The following TEX14 variants were observed in gnomAD, a reference collection of about 807,000 sequenced individuals.
TEX14 encodes the protein inactive serine/threonine-protein kinase TEX14.
A neutral mutation model predicts 178.6 loss-of-function variants in TEX14; 168 were observed. That is an observed-to-expected ratio of 0.94 (90% confidence interval 0.83 to 1.07). TEX14 has a LOEUF of 1.07. TEX14 is among the 50% of genes least tolerant of loss of function. The probability of loss-of-function intolerance (pLI) is 0.00; values close to 1 mark genes in which losing one functional copy is unlikely to be tolerated. For missense variants in TEX14, 1,730 were observed against 1,753.6 expected (o/e 0.99, Z 0.24); for synonymous variants, 626 against 634.1 (o/e 0.99, Z 0.19).
rs2044480051 is a variant in TEX14, at chr17:58,569,803, A to T, written c.3818-543T>A. 6.6e-6 allele frequency among the ~76,000 whole-genome samples: 1 copy of T among 152,228 alleles called. No homozygotes were observed. The highest frequency in any genetic ancestry group is 2.4e-5 in the African/African-American group (1 of 41,474). On this transcript the variant is annotated intron_variant, in intron 25 of 31. Transcript: ENST00000349033. This position sits in a 1 kb window ranked among gnomAD's most constrained non-coding sequence, Gnocchi z 4.1. ...AAATTCCAAGAGTTATACCAAAGAC[A>T]GAAGACGTTAAAATTAAAGTAATAA... is the stretch of plus-strand genomic sequence containing the variant.
intron 1 of TEX14, among the ~76,000 whole-genome samples, chr17:58,653,957 G>A (rs555243234): frequency 3.9e-5 from 6 of 152,254 alleles, no homozygotes; most frequent in African/African-American, 1.2e-4. Context: ...CGAGGCGGGC[G>A]GATCACAAGG....
intron 13 of TEX14, among the ~76,000 whole-genome samples, chr17:58,600,420 G>A (rs576208858): frequency 6.6e-6 from 1 of 151,962 alleles, no homozygotes; most frequent in South Asian, 2.1e-4. Context: ...AATTAGCCAG[G>A]CATGGTGGTG....
intron 2 of TEX14, among the ~76,000 whole-genome samples, chr17:58,648,430 T>C (rs949662776): frequency 6.6e-6 from 1 of 152,172 alleles, no homozygotes; most frequent in Non-Finnish European, 1.5e-5. Flanking sequence ...CTTGTGCAAG[T>C]GTGACTAATT....
chr17:58,655,041 T>G (rs1206437659), intron 1 of TEX14, among the ~76,000 whole-genome samples: 1 of 150,506 alleles, frequency 6.6e-6, no homozygotes, highest in Admixed American at 6.6e-5. Context: ...CTTTTTTTTT[T>G]TTTTTTTTCC....
At chr17:58,661,612 G>A (rs756813246) in intron 1 of TEX14, 1 of 703,170 alleles carries the variant, frequency 1.4e-6, no homozygotes, top group African/African-American at 1.8e-5. Context: ...TGGGAAGGCT[G>A]ATGCGAAATG....
chr17:58,666,626 G>C (rs931225637), intron 1 of TEX14: 2 of 152,294 alleles, frequency 1.3e-5, no homozygotes, highest in East Asian at 1.9e-4. Context: ...TCAGCACAAA[G>C]TGCAACGAAT....
chr17:58,652,052 A>T (rs1263801615), intron 1 of TEX14, 50 bp from the exon 2 acceptor site: 6 of 1,423,982 alleles, frequency 4.2e-6, no homozygotes, highest in Non-Finnish European at 5.6e-6. Context: ...CAGAAATGCA[A>T]GGAAACAACT....
chr17:58,599,264 T>C lies in TEX14; in HGVS notation c.2081A>G (p.Asp694Gly). The C allele has an allele frequency of 6.2e-7, 1 of 1,613,668 alleles. No individual in the cohort carries two copies. The highest frequency in any genetic ancestry group is 8.5e-7 in the Non-Finnish European group (1 of 1,180,038). ...AETEYSFDDW[D>G]WQNGSLSSLS... is the part of the protein sequence containing the mutation. ...TGAACTGAGTGAACCGTTTTGCCAG[T>C]CCCAGTCATCAAAAGAGTACTCTGT... Residue 694 changes from aspartate (D) to glycine (G), a missense_variant, in exon 14 of 32, where the codon GAC becomes GGC. Physicochemically the swap from Asp to Gly is moderately conservative, Grantham distance 94. Transcript: ENST00000349033.
At chr17:58,570,535 G>A in intron 24 of TEX14, 51 bp from the exon 25 acceptor site, 1 of 1,265,400 alleles carries the variant, frequency 7.9e-7, no homozygotes, top group Non-Finnish European at 1.1e-6. Flanking sequence ...GAGCTAAAAA[G>A]GCATATGCAG....
intron 1 of TEX14, among the ~76,000 whole-genome samples, chr17:58,657,436 G>C (rs919061469): frequency 7.3e-5 from 11 of 150,812 alleles, no homozygotes; most frequent in African/African-American, 2.4e-4. Flanking sequence ...ATATTGAGGG[G>C]AATAACTGGT....
intron 11 of TEX14, 60 bp from the exon 12 acceptor site, chr17:58,602,650 A>G (rs1219170169): frequency 5.0e-6 from 7 of 1,392,958 alleles, no homozygotes; most frequent in South Asian, 4.0e-5. Context: ...GAGTGGGGGG[A>G]AAAGAAATCA....
chr17:58,590,098 T>TA (rs1812329912), intron 15 of TEX14, among the ~76,000 whole-genome samples: 1 of 151,696 alleles, frequency 6.6e-6, no homozygotes, highest in African/African-American at 2.4e-5. Flanking sequence ...TTGTCTCTAC[T>TA]AAAAATACAA....
Position 58,565,735 on chromosome 17 carries a change from T to C in TEX14, c.3964+12A>G. ...AAGAACCTGATGAAAACAATCTAGG[T>C]AGTTCACTTACCATTTGCAGTGCCT... On this transcript the variant is annotated intron_variant, in intron 27 of 31. Coordinates refer to ENST00000349033, the MANE Select transcript of TEX14 (RefSeq NM_031272.5). 1.3e-6 allele frequency: 2 copies of C among 1,594,744 alleles called. No individual in the cohort carries two copies. The highest frequency in any genetic ancestry group is 1.7e-6 in the Non-Finnish European group (2 of 1,166,146).
intron 7 of TEX14, 52 bp downstream of exon 7, chr17:58,616,123 C>G: frequency 6.4e-7 from 1 of 1,567,142 alleles, no homozygotes; most frequent in Non-Finnish European, 8.6e-7. Context: ...ACATGCAGCC[C>G]ACTCTTCCCC....
intron 14 of TEX14, among the ~76,000 whole-genome samples, chr17:58,596,966 C>T (rs2045300707): frequency 6.6e-6 from 1 of 152,082 alleles, no homozygotes; most frequent in African/African-American, 2.4e-5. Flanking sequence ...ACTGAAGCCT[C>T]ACTAAGATTC....
Position 58,580,334 on chromosome 17 carries a change from C to T in TEX14, c.3172-603G>A, listed in dbSNP as rs550770365. ...AATTATATATATATATTTTTTGAGA[C>T]GGAGTCTCATTCTGTCGCCCAGGCT... On this transcript the variant is annotated intron_variant, in intron 19 of 31. Coordinates refer to ENST00000349033, the MANE Select transcript of TEX14 (RefSeq NM_031272.5). Among the ~76,000 whole-genome samples, 58 of 152,146 alleles carry T rather than the reference C, an allele frequency of 3.8e-4. 2 individuals are homozygous for T. The South Asian group carries it at 9.7e-3, about 26-fold the overall frequency.
chr17:58,682,839 A>G (rs894994388), intron 1 of TEX14, among the ~76,000 whole-genome samples: 1 of 152,128 alleles, frequency 6.6e-6, no homozygotes, highest in African/African-American at 2.4e-5. Context: ...ACTCTAAGCA[A>G]GTTAAGAAAA....
At chr17:58,632,563 G>C (rs1386253006) in intron 2 of TEX14, among the ~76,000 whole-genome samples, 1 of 152,094 alleles carries the variant, frequency 6.6e-6, no homozygotes. Context: ...ATTTGTTAAG[G>C]TACAGACAAA....
At chr17:58,667,576 C>T (rs1302324815) in intron 1 of TEX14, among the ~76,000 whole-genome samples, 2 of 152,108 alleles carry the variant, frequency 1.3e-5, no homozygotes, top group African/African-American at 4.8e-5. Context: ...GGATAAAGAA[C>T]CTGAGGCATG....
Sources: gnomAD v4.1 joint callset for allele counts (sites outside exome capture counted in the v4.1 genomes callset) on GRCh38, gnomAD v4.1.1 for gene constraint, Gnocchi (gnomAD v3.1) non-coding constraint, MANE v1.5 for transcripts, NCBI Gene and HGNC (gene_info 2026-07-23, HGNC 2026-07-21) for gene names.